PLCB4: variants seen among roughly 807,000 people sequenced by gnomAD.
PLCB4 encodes phospholipase C beta 4, also known as 1-phosphatidylinositol 4,5-bisphosphate phosphodiesterase beta-4.
In PLCB4, 77 loss-of-function variants were observed where a neutral mutation model predicts 178.8. The observed-to-expected ratio is 0.43, with a 90% confidence interval of 0.36 to 0.52. The LOEUF (loss-of-function observed/expected upper bound fraction) is 0.52. Among genes scored for constraint, PLCB4 ranks in the 20% least tolerant of loss-of-function variants. The probability of loss-of-function intolerance (pLI) is 0.00; values close to 1 mark genes in which losing one functional copy is unlikely to be tolerated. For missense variants in PLCB4, 1,024 were observed against 1,453.4 expected (o/e 0.70, Z 4.80); for synonymous variants, 496 against 490.8 (o/e 1.01, Z -0.14).
At chr20:9,389,991 G>A in intron 16 of PLCB4, 33 bp downstream of exon 16, 1 of 1,184,790 alleles carries the variant, frequency 8.4e-7, no homozygotes, top group Non-Finnish European at 1.3e-6. Context: ...AAGTCTCTAT[G>A]TGGTATTGTT....
At chr20:9,458,929 G>A (rs1199431998) in intron 34 of PLCB4, among the ~76,000 whole-genome samples, 1 of 152,196 alleles carries the variant, frequency 6.6e-6, no homozygotes, top group Non-Finnish European at 1.5e-5. Flanking sequence ...TCATGATCCA[G>A]AAATAAAAGA....
At chr20:9,085,498 T>G (rs1253204814) in intron 1 of PLCB4, among the ~76,000 whole-genome samples, 1 of 152,208 alleles carries the variant, frequency 6.6e-6, no homozygotes, top group African/African-American at 2.4e-5. Context: ...CTTCCTTATT[T>G]CATGGTTTTG....
chr20:9,445,590 T>C (rs2122161942), intron 32 of PLCB4, among the ~76,000 whole-genome samples: 1 of 152,362 alleles, frequency 6.6e-6, no homozygotes, highest in Non-Finnish European at 1.5e-5. Flanking sequence ...CTTATCCTAG[T>C]AATGTTCCCT....
At chr20:9,368,145 A>C (rs1443414786) in intron 9 of PLCB4, among the ~76,000 whole-genome samples, 4 of 152,240 alleles carry the variant, frequency 2.6e-5, no homozygotes, top group Admixed American at 2.6e-4. Context: ...ACTGTCCATA[A>C]TATTAAAAGA....
At chr20:9,146,308 A>G (rs549447673) in intron 2 of PLCB4, among the ~76,000 whole-genome samples, 1 of 152,240 alleles carries the variant, frequency 6.6e-6, no homozygotes, top group South Asian at 2.1e-4. Flanking sequence ...AATATGACCA[A>G]ACTCTGGAGT....
At chr20:9,460,641 G>A (rs945192872) in intron 35 of PLCB4, among the ~76,000 whole-genome samples, 1 of 152,210 alleles carries the variant, frequency 6.6e-6, no homozygotes, top group Admixed American at 6.5e-5. Context: ...GTTGCAGCTT[G>A]CTTGGTTCTC....
chr20:9,144,859 A>G (rs2092569212), intron 2 of PLCB4, among the ~76,000 whole-genome samples: 1 of 152,084 alleles, frequency 6.6e-6, no homozygotes, highest in Admixed American at 6.5e-5. Context: ...ATACGCAGCC[A>G]AAAGATCATT....
Position 9,437,160 on chromosome 20 carries a change from A to C in PLCB4, c.2764+8A>C. On this transcript the variant is annotated splice_region_variant and intron_variant, in intron 30 of 39. Coordinates refer to ENST00000378473, the MANE Select transcript of PLCB4 (RefSeq NM_001377142.1). ...GTGTGGAAGCCAAGAAAGGTGAGAG[A>C]GAGCCGTTGGGTTCCTTATCTTCTG... The C allele has an allele frequency of 6.2e-7, 1 of 1,612,920 alleles. No homozygotes were observed. The highest frequency in any genetic ancestry group is 8.5e-7 in the Non-Finnish European group (1 of 1,179,264).
chr20:9,319,752 ATCT>A (rs2094938517), intron 4 of PLCB4, among the ~76,000 whole-genome samples: 1 of 152,150 alleles, frequency 6.6e-6, no homozygotes, highest in African/African-American at 2.4e-5. Flanking sequence ...TATTCGGCAG[ATCT>A]TCTTTATTCA....
chr20:9,107,213 A>G (rs1345567579), intron 2 of PLCB4, among the ~76,000 whole-genome samples: 1 of 152,178 alleles, frequency 6.6e-6, no homozygotes, highest in Non-Finnish European at 1.5e-5. Context: ...ACAATTATGG[A>G]TTATACTCTT....
intron 21 of PLCB4, 55 bp downstream of exon 21, chr20:9,405,403 T>C: frequency 9.4e-7 from 1 of 1,061,952 alleles, no homozygotes; most frequent in African/African-American, 1.6e-5. Context: ...ATTTAAAAAA[T>C]CTTCAAAGGA....
chr20:9,301,708 G>T (rs1232326944), intron 3 of PLCB4, among the ~76,000 whole-genome samples: 1 of 152,020 alleles, frequency 6.6e-6, no homozygotes, highest in Non-Finnish European at 1.5e-5. Context: ...TCCTAACTCT[G>T]CCAGTTTCTT....
chr20:9,395,933 A>T (rs942140576), intron 19 of PLCB4, among the ~76,000 whole-genome samples: 6 of 152,164 alleles, frequency 3.9e-5, no homozygotes, highest in Non-Finnish European at 5.9e-5. Flanking sequence ...ATGTAATCCT[A>T]CCACTGCACT....
intron 39 of PLCB4, 128 bp downstream of exon 39, chr20:9,476,881 C>T (rs1364266294): frequency 1.6e-6 from 1 of 633,008 alleles, no homozygotes; most frequent in African/African-American, 1.9e-5. Context: ...GATTTAAAAG[C>T]TTGACTATTC....
intron 4 of PLCB4, among the ~76,000 whole-genome samples, chr20:9,328,087 C>T (rs955253881): frequency 5.9e-5 from 9 of 151,952 alleles, no homozygotes; most frequent in African/African-American, 1.7e-4. Context: ...GATAAAATAA[C>T]GGAAGAGGGA....
In PLCB4 at chr20:9,160,530, T is replaced by C. The variant is rs191860120; in HGVS notation, c.-78-56860T>C. Among the ~76,000 whole-genome samples the C allele has an allele frequency of 4.8e-3, 732 of 152,280 alleles. 5 individuals are homozygous for C. The highest frequency in any genetic ancestry group is 0.017 in the African/African-American group (707 of 41,560). On this transcript the variant is annotated intron_variant, in intron 2 of 39. Coordinates refer to ENST00000378473, the MANE Select transcript of PLCB4 (RefSeq NM_001377142.1). The stretch of plus-strand genomic sequence containing the variant: ...AGGAAACCACAACAAAATATGTGCC[T>C]GTGTGTGTGCATGCATGTTTTATAG...
intron 3 of PLCB4, among the ~76,000 whole-genome samples, chr20:9,222,785 G>A (rs1240999335): frequency 2.0e-5 from 3 of 152,116 alleles, no homozygotes; most frequent in African/African-American, 7.2e-5. Context: ...ATTGGCCAGT[G>A]CAACTTTAGA....
intron 33 of PLCB4, among the ~76,000 whole-genome samples, chr20:9,455,174 C>G (rs1048306936): frequency 2.0e-5 from 3 of 152,004 alleles, no homozygotes; most frequent in African/African-American, 7.3e-5. Context: ...ACTCTAATAC[C>G]AAGGAGCAAA....
chr20:9,276,262 C>T (rs116220026), intron 3 of PLCB4, among the ~76,000 whole-genome samples: 207 of 152,170 alleles, frequency 1.4e-3, no homozygotes, highest in African/African-American at 4.6e-3. Flanking sequence ...CAAATTCACC[C>T]TGGAGTCAAT....
Sources: gnomAD v4.1 joint callset for allele counts (sites outside exome capture counted in the v4.1 genomes callset) on GRCh38, gnomAD v4.1.1 for gene constraint, MANE v1.5 for transcripts, NCBI Gene and HGNC (gene_info 2026-07-23, HGNC 2026-07-21) for gene names.